The following ABCC11 variants were observed in gnomAD, a reference collection of about 807,000 sequenced individuals.
ABCC11 encodes ATP-binding cassette sub-family C member 11.
In ABCC11, 135 loss-of-function variants were observed where a neutral mutation model predicts 149.3. The ratio of observed to expected loss-of-function variants is 0.90; its 90% CI spans 0.79 to 1.04. The LOEUF (loss-of-function observed/expected upper bound fraction) is 1.04. Ranked by LOEUF, ABCC11 falls within the 50% of genes least tolerant of loss-of-function variation. ABCC11 has a pLI of 0.00. For synonymous variants in ABCC11, 665 were observed against 671.4 expected (o/e 0.99, Z 0.15); for missense variants, 1,680 against 1,722.1 (o/e 0.98, Z 0.43).
chr16:48,202,191 C>T (rs577627607), intron 14 of ABCC11, among the ~76,000 whole-genome samples: 5 of 152,296 alleles, frequency 3.3e-5, no homozygotes, highest in African/African-American at 4.8e-5. Flanking sequence ...CAAAGCAATC[C>T]GATCAGGTCA....
chr16:48,207,015 G>A (rs1288470597), intron 12 of ABCC11, among the ~76,000 whole-genome samples: 2 of 152,152 alleles, frequency 1.3e-5, no homozygotes, highest in African/African-American at 4.8e-5. Context: ...TCCACATGCA[G>A]CACGTGGCTG....
chr16:48,173,404 A>T (rs1200558059), intron 26 of ABCC11, among the ~76,000 whole-genome samples: 1 of 152,146 alleles, frequency 6.6e-6, no homozygotes, highest in Non-Finnish European at 1.5e-5. Context: ...TAAAATGGGG[A>T]TAATGAAGGG....
chr16:48,221,829 A>G (rs1288692442), intron 6 of ABCC11, among the ~76,000 whole-genome samples: 1 of 151,592 alleles, frequency 6.6e-6, no homozygotes, highest in Non-Finnish European at 1.5e-5. Flanking sequence ...GCAGCCTTGA[A>G]CTCTTGGGCT....
intron 20 of ABCC11, among the ~76,000 whole-genome samples, chr16:48,189,561 T>C (rs1269321826): frequency 6.6e-6 from 1 of 152,238 alleles, no homozygotes; most frequent in Non-Finnish European, 1.5e-5. Flanking sequence ...AGGAAAATAT[T>C]TTAAACACAA....
At chr16:48,188,727 T>A (rs2150773473) in intron 20 of ABCC11, among the ~76,000 whole-genome samples, 1 of 152,346 alleles carries the variant, frequency 6.6e-6, no homozygotes, top group Admixed American at 6.5e-5. Flanking sequence ...CAATTAGGCC[T>A]TCTGAGGCTT....
chr16:48,205,802 G>A (rs935811012), intron 12 of ABCC11, among the ~76,000 whole-genome samples: 10 of 149,558 alleles, frequency 6.7e-5, no homozygotes, highest in African/African-American at 7.5e-5. Context: ...CACTCCATAC[G>A]TTTTTTCCTC....
intron 20 of ABCC11, among the ~76,000 whole-genome samples, chr16:48,189,323 T>G (rs17822088): frequency 0.013 from 1,954 of 152,294 alleles, 16 homozygotes; most frequent in Non-Finnish European, 0.019. Flanking sequence ...CCAGCATTAC[T>G]TTGGATTAGG....
chr16:48,185,310 C>T (rs555081963), intron 22 of ABCC11, among the ~76,000 whole-genome samples: 1 of 152,178 alleles, frequency 6.6e-6, no homozygotes, highest in Non-Finnish European at 1.5e-5. Context: ...TACCCTCTAC[C>T]TAATTTAGCA....
chr16:48,229,506 G>A (rs994967590), intron 3 of ABCC11, among the ~76,000 whole-genome samples: 7 of 129,012 alleles, frequency 5.4e-5, no homozygotes, highest in South Asian at 4.8e-4. Context: ...CACCCAGCCC[G>A]GACTGCGGAC....
At position 48,200,188 on chromosome 16, in the gene ABCC11, C is replaced by T. The variant is rs1041399040; in HGVS notation, c.2082+88G>A. 11 of 1,373,144 alleles carry T rather than the reference C, an allele frequency of 8.0e-6. No individual in the cohort carries two copies. The East Asian group carries it at 2.3e-4, about 29-fold the overall frequency. The allele number at this position is 1,373,144 out of a possible 1,614,324, so 85.1% of individuals were successfully genotyped here. The stretch of plus-strand genomic sequence containing the variant: ...TGAGATGAGGACAGCTGCTGGGAGG[C>T]TGTTATTGAATCACACTCTGAAATG... On this transcript the variant is annotated intron_variant, in intron 15 of 29. Transcript: ENST00000356608.
Position 48,167,386 on chromosome 16 carries a change from G to A in ABCC11, c.4057-20C>T, listed in dbSNP as rs371808361. ...TACCACCTGGAGGGTAGAGAAAGGC[G>A]AGGGGAGGATCAGGGCACAGCTGAG... On this transcript the variant is annotated intron_variant, in intron 29 of 29. Transcript: ENST00000356608. 6.4e-5 allele frequency: 94 copies of A among 1,479,518 alleles called. No homozygotes were observed. Among genetic ancestry groups the A allele is most frequent in the African/African-American group, 4.4e-4 (32 of 72,116 alleles). 91.6% of individuals were successfully genotyped at this position (1,479,518 alleles called of 1,614,324 possible). A position where few individuals can be genotyped will look rare whatever the true frequency, so the allele number is the denominator to read the frequency against.
intron 20 of ABCC11, among the ~76,000 whole-genome samples, chr16:48,191,833 G>A (rs1966947979): frequency 6.6e-6 from 1 of 151,824 alleles, no homozygotes; most frequent in Non-Finnish European, 1.5e-5. Context: ...CTGTTGTGGG[G>A]TTGGGGGACG....
At chr16:48,232,035 G>T in intron 1 of ABCC11, 96 bp from the exon 2 acceptor site, 1 of 1,555,640 alleles carries the variant, frequency 6.4e-7, no homozygotes, top group South Asian at 1.2e-5. Flanking sequence ...GCACTACCCT[G>T]CAGGGAGCAT....
At chr16:48,170,764 T>G in intron 27 of ABCC11, 125 bp downstream of exon 27, 9 of 849,014 alleles carry the variant, frequency 1.1e-5, no homozygotes, top group African/African-American at 1.7e-5. Flanking sequence ...CTCATCTCCA[T>G]GAGATGATGC....
chr16:48,192,625 C>T lies in ABCC11; in HGVS notation c.2601G>A (p.Gly867=), dbSNP rs2150786649. ...CACAGATGAGGAGCAGGGCGTTGAG[C>T]CCGTACACCAGCTGGTAGAAGGACA... The part of the protein sequence containing the change: ...PQLSFYQLVY[G]LNALLLICVG... The change falls in exon 20 of 30, where the codon GGG becomes GGA. Residue 867 remains glycine, a synonymous_variant. Coordinates refer to ENST00000356608, the MANE Select transcript of ABCC11 (RefSeq NM_001370497.1). The T allele has an allele frequency of 6.2e-7, 1 of 1,614,176 alleles. No individual in the cohort carries two copies. Among genetic ancestry groups the T allele is most frequent in the Non-Finnish European group, 8.5e-7 (1 of 1,180,036 alleles).
At position 48,170,125 on chromosome 16, in the gene ABCC11, C is replaced by G. The variant is rs1242151775; in HGVS notation, c.3871G>C (p.Ala1291Pro). ...CTCACCTTGGAGTTGCGAAGCACAG[C>G]CCTGGCAATGCAGAGCAGCTGCCTC... Reference protein sequence around the residue: ...GERQLLCIARAVLRNSKIILI... With the variant: ...GERQLLCIARPVLRNSKIILI... Residue 1291 changes from alanine (A) to proline (P), a missense_variant, in exon 28 of 30, where the codon GCT becomes CCT. Transcript: ENST00000356608. 6 of 1,614,056 alleles carry G rather than the reference C, an allele frequency of 3.7e-6. No homozygotes were observed. Among genetic ancestry groups the G allele is most frequent in the Admixed American group, 3.3e-5 (2 of 60,020 alleles).
At chr16:48,175,793 C>T (rs1437281791) in intron 25 of ABCC11, among the ~76,000 whole-genome samples, 1 of 151,970 alleles carries the variant, frequency 6.6e-6, no homozygotes, top group Admixed American at 6.6e-5. Context: ...AACACTGGAC[C>T]CATATCCCCC....
chr16:48,186,958 G>C lies in ABCC11; in HGVS notation c.3066C>G (p.Ile1022Met). ...ATGGCAGCAGAAGGACTCACTGGCT[G>C]ATGAAGTCTTCAGTTTTTCCATAGA... ...IHVYGKTEDF[I>M]SQFKRLTDAQ... The change falls in exon 22 of 30, where the codon ATC becomes ATG. Residue 1022 changes from isoleucine (I) to methionine (M), a missense_variant. Coordinates refer to ENST00000356608, the MANE Select transcript of ABCC11 (RefSeq NM_001370497.1). The C allele has an allele frequency of 6.2e-7, 1 of 1,614,134 alleles. No individual in the cohort carries two copies. The highest frequency in any genetic ancestry group is 8.5e-7 in the Non-Finnish European group (1 of 1,180,030).
At chr16:48,220,628 C>G (rs1261352618) in intron 6 of ABCC11, among the ~76,000 whole-genome samples, 2 of 152,148 alleles carry the variant, frequency 1.3e-5, no homozygotes, top group African/African-American at 2.4e-5. Context: ...GACAACAATC[C>G]TATGAGGTTG....
Sources: allele counts gnomAD v4.1 joint callset (sites outside exome capture counted in the v4.1 genomes callset), GRCh38; gene constraint gnomAD v4.1.1; transcripts MANE v1.5; gene names NCBI Gene and HGNC (gene_info 2026-07-23, HGNC 2026-07-21).